Variants in GNB4 observed in about 807,000 individuals in gnomAD.
GNB4 encodes the protein G protein subunit beta 4, also known as guanine nucleotide-binding protein subunit beta-4.
A neutral mutation model predicts 45.2 loss-of-function variants in GNB4; 28 were observed. That is an observed-to-expected ratio of 0.62 (90% confidence interval 0.46 to 0.85). The LOEUF is 0.85. GNB4 is among the 40% of genes least tolerant of loss of function. The probability of loss-of-function intolerance (pLI) is 0.00; values close to 1 mark genes in which losing one functional copy is unlikely to be tolerated. For missense variants in GNB4, 321 were observed against 425.4 expected, an observed-to-expected ratio of 0.75 and a Z score of 2.16; for synonymous variants, 132 against 143.7, an observed-to-expected ratio of 0.92 and a Z score of 0.58.
chr3:179,448,226 C>T (rs2108623961), intron 1 of GNB4, among the ~76,000 whole-genome samples: 1 of 152,262 alleles, frequency 6.6e-6, no homozygotes, highest in East Asian at 1.9e-4. Context: ...TCATTTCTCC[C>T]AGTGCTGGGA....
chr3:179,419,419 C>T lies in GNB4; in HGVS notation c.183G>A (p.Met61Ile). Residue 61 changes from methionine to isoleucine, a missense_variant, in exon 4 of 10, where the codon ATG (methionine) becomes ATA (isoleucine). Met to Ile is a conservative substitution (Grantham distance 10). Transcript: ENST00000232564. Reference protein sequence around the residue: ...LRGHLAKIYAMHWGYDSRLLV... With the variant: ...LRGHLAKIYAIHWGYDSRLLV... ...CAAACCTGGAATCGTATCCCCAATG[C>T]ATAGCATAGATTTTAGCTAGGTGGC... is the stretch of plus-strand genomic sequence containing the variant. 3 of 1,607,402 alleles carry T rather than the reference C, an allele frequency of 1.9e-6. No individual in the cohort carries two copies. The highest frequency in any genetic ancestry group is 2.6e-6 in the Non-Finnish European group (3 of 1,173,892).
intron 1 of GNB4, among the ~76,000 whole-genome samples, chr3:179,439,283 T>G (rs1715538722): frequency 6.6e-6 from 1 of 152,196 alleles, no homozygotes; most frequent in Non-Finnish European, 1.5e-5. Flanking sequence ...TAAAAATCAC[T>G]AAACTGGCAC....
intron 1 of GNB4, among the ~76,000 whole-genome samples, chr3:179,443,371 T>C (rs1241464349): frequency 6.6e-6 from 1 of 152,052 alleles, no homozygotes; most frequent in Admixed American, 6.6e-5. Flanking sequence ...AAACCCCATC[T>C]CTACTAAAAA....
At chr3:179,525,504 G>A in the GNB4 span, among the ~76,000 whole-genome samples, 1 of 151,126 alleles carries the variant, frequency 6.6e-6, no homozygotes, top group Non-Finnish European at 1.5e-5. Flanking sequence ...CAGTGTGGGT[G>A]AGCAGCCAAA....
chr3:179,494,585 G>GGGAAGGAAGGAAAGAA, the GNB4 span, among the ~76,000 whole-genome samples: 1 of 151,238 alleles, frequency 6.6e-6, no homozygotes, highest in Non-Finnish European at 1.5e-5. Flanking sequence ...GAGGGAGCGA[G>GGGAAGGAAGGAAAGAA]GGAAGGAAGG....
chr3:179,520,626 A>G, the GNB4 span, among the ~76,000 whole-genome samples: 2 of 152,066 alleles, frequency 1.3e-5, no homozygotes, highest in African/African-American at 4.8e-5. Context: ...TGACGCATAT[A>G]CTTTCTGCTC....
the GNB4 span, among the ~76,000 whole-genome samples, chr3:179,489,404 G>T: frequency 6.6e-6 from 1 of 151,914 alleles, no homozygotes; most frequent in African/African-American, 2.4e-5. Flanking sequence ...GGGAGACTGA[G>T]GAGGAGGATT....
chr3:179,489,019 A>AAAAT, the GNB4 span, among the ~76,000 whole-genome samples: 2 of 21,384 alleles, frequency 9.4e-5, no homozygotes, highest in Non-Finnish European at 1.5e-4. Flanking sequence ...AAAAAAAAAA[A>AAAAT]ATATATATAT....
chr3:179,466,018 T>G, the GNB4 span, among the ~76,000 whole-genome samples: 2,240 of 148,974 alleles, frequency 0.015, 32 homozygotes, highest in South Asian at 0.052. Context: ...TTTTTTTTTT[T>G]TTTTTTTTTT....
At chr3:179,410,365 T>C (rs1447223792) in intron 8 of GNB4, 1 of 152,168 alleles carries the variant, frequency 6.6e-6, no homozygotes, top group African/African-American at 2.4e-5. Flanking sequence ...GATAGATAGA[T>C]AGATAGATAT....
chr3:179,474,568 G>C, the GNB4 span, among the ~76,000 whole-genome samples: 18 of 151,972 alleles, frequency 1.2e-4, no homozygotes, highest in Non-Finnish European at 2.6e-4. Flanking sequence ...GATTTAAATA[G>C]AGAAAACAAT....
the GNB4 span, among the ~76,000 whole-genome samples, chr3:179,475,302 A>G: frequency 4.0e-5 from 6 of 151,388 alleles, no homozygotes; most frequent in Non-Finnish European, 7.4e-5. Context: ...TATTTTTATA[A>G]TTGCAGACAG....
At chr3:179,468,946 G>A in the GNB4 span, among the ~76,000 whole-genome samples, 10 of 152,230 alleles carry the variant, frequency 6.6e-5, no homozygotes, top group Middle Eastern at 3.4e-3. Context: ...TGGGGGCTTC[G>A]TCTGCATAAT....
At chr3:179,509,041 C>T in the GNB4 span, among the ~76,000 whole-genome samples, 1 of 149,922 alleles carries the variant, frequency 6.7e-6, no homozygotes, top group African/African-American at 2.5e-5. Context: ...TATTTCCTAG[C>T]TCTGTCCACT....
intron 2 of GNB4, among the ~76,000 whole-genome samples, chr3:179,425,556 C>T (rs975038191): frequency 8.5e-5 from 13 of 152,168 alleles, no homozygotes; most frequent in African/African-American, 2.7e-4. Flanking sequence ...TTGCAACCTC[C>T]GTCTCCAGGG....
At chr3:179,517,248 C>T in the GNB4 span, among the ~76,000 whole-genome samples, 1 of 152,164 alleles carries the variant, frequency 6.6e-6, no homozygotes, top group African/African-American at 2.4e-5. Flanking sequence ...CTCATCCTGG[C>T]TCAAAAGCTC....
intron 8 of GNB4, among the ~76,000 whole-genome samples, chr3:179,408,519 G>A (rs1042114365): frequency 2.6e-5 from 4 of 152,104 alleles, no homozygotes; most frequent in East Asian, 1.9e-4. Flanking sequence ...GGCTCGGTGC[G>A]GTGGCTCACG....
chr3:179,470,118 A>G, the GNB4 span, among the ~76,000 whole-genome samples: 5 of 152,252 alleles, frequency 3.3e-5, no homozygotes, highest in Non-Finnish European at 2.9e-5. Flanking sequence ...AATTAGGTAC[A>G]TGCAATATAC....
Position 179,405,756 on chromosome 3 carries a change from G to A in GNB4, c.700-350C>T, listed in dbSNP as rs1228355219. 8 of 173,004 alleles carry A rather than the reference G, an allele frequency of 4.6e-5. No homozygotes were observed. In the East Asian group the frequency reaches 1.2e-3, roughly 27 times the overall value. The allele number at this position is 173,004 out of a possible 1,614,324, so 10.7% of individuals were successfully genotyped here. On this transcript the variant is annotated intron_variant, in intron 8 of 9. Coordinates refer to ENST00000232564, the MANE Select transcript of GNB4 (RefSeq NM_021629.4). ...GTGTGTGGCTGTTGTAGAACGAATG[G>A]CAAGGAGATAAAAGGTCCACAATCC...
Sources: gnomAD v4.1 joint callset for allele counts (sites outside exome capture counted in the v4.1 genomes callset) on GRCh38, gnomAD v4.1.1 for gene constraint, MANE v1.5 for transcripts, NCBI Gene and HGNC (gene_info 2026-07-23, HGNC 2026-07-21) for gene names.